Variants in KCNH5 observed in about 807,000 individuals in gnomAD.
KCNH5 encodes voltage-gated delayed rectifier potassium channel KCNH5.
Under a neutral mutation model 96.1 loss-of-function variants are expected in KCNH5, and 46 were observed. That is an observed-to-expected ratio of 0.48 (90% CI 0.38 to 0.61). The LOEUF (loss-of-function observed/expected upper bound fraction) is 0.61. KCNH5 is among the 20% of genes least tolerant of loss of function. The pLI, the probability that KCNH5 is intolerant of heterozygous loss-of-function variation, is 0.00. For synonymous variants in KCNH5, 439 were observed against 449.8 expected, an observed-to-expected ratio of 0.98 and a Z score of 0.30; for missense variants, 907 against 1,225.8, an observed-to-expected ratio of 0.74 and a Z score of 3.88.
intron 10 of KCNH5, among the ~76,000 whole-genome samples, chr14:62,757,336 G>C (rs1356819930): frequency 6.6e-6 from 1 of 152,196 alleles, no homozygotes; most frequent in Non-Finnish European, 1.5e-5. Flanking sequence ...CTTGTATACT[G>C]TTGGTCGGAA....
At chr14:62,939,968 C>T (rs1050764459) in intron 7 of KCNH5, among the ~76,000 whole-genome samples, 7 of 152,054 alleles carry the variant, frequency 4.6e-5, no homozygotes, top group Admixed American at 1.3e-4. Context: ...AGGAAGCTTA[C>T]GTACAATCTA....
chr14:62,956,710 C>G (rs1890111303), intron 6 of KCNH5, among the ~76,000 whole-genome samples: 1 of 151,942 alleles, frequency 6.6e-6, no homozygotes, highest in Non-Finnish European at 1.5e-5. Context: ...CTCTCATAAC[C>G]TTTAGATTGG....
At chr14:62,916,551 T>C (rs765971172) in intron 7 of KCNH5, among the ~76,000 whole-genome samples, 2 of 152,192 alleles carry the variant, frequency 1.3e-5, no homozygotes, top group Non-Finnish European at 2.9e-5. Flanking sequence ...AGTAAAACAA[T>C]TAAGTTTGTT....
At chr14:62,978,102 T>C (rs954147988) in intron 6 of KCNH5, among the ~76,000 whole-genome samples, 2 of 152,198 alleles carry the variant, frequency 1.3e-5, no homozygotes, top group Admixed American at 6.5e-5. Context: ...TTCAGTTAAC[T>C]GTGTTCAGTG....
chr14:62,742,467 G>A (rs545696188), intron 10 of KCNH5, among the ~76,000 whole-genome samples: 5 of 32,296 alleles, frequency 1.5e-4, no homozygotes, highest in South Asian at 1.7e-3. Context: ...CAATCCTGGC[G>A]CACATTAGAA....
At chr14:62,748,541 G>A (rs528773454) in intron 10 of KCNH5, among the ~76,000 whole-genome samples, 10 of 152,120 alleles carry the variant, frequency 6.6e-5, no homozygotes, top group Admixed American at 1.3e-4. Flanking sequence ...GCTCTGGTTC[G>A]AATGCCCCTG....
At chr14:62,879,130 T>A (rs1441793289) in intron 7 of KCNH5, among the ~76,000 whole-genome samples, 1 of 152,102 alleles carries the variant, frequency 6.6e-6, no homozygotes, top group East Asian at 1.9e-4. Context: ...TCATTAGTAA[T>A]CAGTTTAATA....
chr14:62,974,958 C>A (rs1285245977), intron 6 of KCNH5, among the ~76,000 whole-genome samples: 1 of 152,122 alleles, frequency 6.6e-6, no homozygotes, highest in African/African-American at 2.4e-5. Context: ...TAATAATACC[C>A]CACCAGATTT....
At chr14:62,786,210 T>G (rs1249936711) in intron 9 of KCNH5, among the ~76,000 whole-genome samples, 1 of 151,886 alleles carries the variant, frequency 6.6e-6, no homozygotes, top group East Asian at 1.9e-4. Flanking sequence ...AATAAATAAA[T>G]AAATAAAAAT....
chr14:62,859,654 G>A (rs568364597), intron 7 of KCNH5, among the ~76,000 whole-genome samples: 33 of 152,256 alleles, frequency 2.2e-4, no homozygotes, highest in Middle Eastern at 3.4e-3. Context: ...GTACATAATC[G>A]CGCATCTGGC....
At chr14:62,740,894 G>C (rs1484194804) in intron 10 of KCNH5, among the ~76,000 whole-genome samples, 2 of 152,116 alleles carry the variant, frequency 1.3e-5, no homozygotes, top group Non-Finnish European at 2.9e-5. Flanking sequence ...GAACTCATTG[G>C]AAGCTTCTAA....
intron 8 of KCNH5, among the ~76,000 whole-genome samples, chr14:62,832,114 T>C (rs1316975705): frequency 6.6e-6 from 1 of 152,184 alleles, no homozygotes; most frequent in African/African-American, 2.4e-5. Flanking sequence ...ATAAAAATCG[T>C]CTATATATTA....
At chr14:62,787,065 A>G (rs1886334927) in intron 9 of KCNH5, among the ~76,000 whole-genome samples, 1 of 152,198 alleles carries the variant, frequency 6.6e-6, no homozygotes, top group Non-Finnish European at 1.5e-5. Context: ...CAAAAGGTAG[A>G]CATAATTAAG....
intron 7 of KCNH5, among the ~76,000 whole-genome samples, chr14:62,860,956 T>C (rs1888021496): frequency 6.6e-6 from 1 of 151,900 alleles, no homozygotes; most frequent in African/African-American, 2.4e-5. Flanking sequence ...GTGAGGGAGG[T>C]TCTACAAGAA....
chr14:62,951,785 A>AC (rs1353652286), intron 6 of KCNH5, among the ~76,000 whole-genome samples: 1 of 151,878 alleles, frequency 6.6e-6, no homozygotes, highest in Non-Finnish European at 1.5e-5. Context: ...ACATGGCAAA[A>AC]CCCTGTCTCT....
chr14:62,998,730 C>G (rs765622397), intron 4 of KCNH5, among the ~76,000 whole-genome samples: 12 of 152,126 alleles, frequency 7.9e-5, no homozygotes, highest in Non-Finnish European at 1.0e-4. Flanking sequence ...AAACATGTTT[C>G]ATTTCCAAAT....
intron 7 of KCNH5, among the ~76,000 whole-genome samples, chr14:62,908,730 G>A (rs997161816): frequency 9.1e-5 from 13 of 143,068 alleles, no homozygotes; most frequent in Non-Finnish European, 2.0e-4. Flanking sequence ...TGTGCCCAGT[G>A]TCCTCCAGAC....
intron 10 of KCNH5, among the ~76,000 whole-genome samples, chr14:62,726,264 C>T (rs768880832): frequency 6.6e-6 from 1 of 151,880 alleles, no homozygotes; most frequent in Non-Finnish European, 1.5e-5. Context: ...AAACATCACA[C>T]AAAAGTGGTA....
intron 4 of KCNH5, among the ~76,000 whole-genome samples, chr14:62,994,625 A>G (rs59087976): frequency 0.18 from 27,040 of 151,960 alleles, 3,720 homozygotes; most frequent in African/African-American, 0.39. Context: ...AATTCTCTCC[A>G]AATGAAAGTA....
Sources: gnomAD v4.1 joint callset for allele counts (sites outside exome capture counted in the v4.1 genomes callset) on GRCh38, gnomAD v4.1.1 for gene constraint, MANE v1.5 for transcripts, NCBI Gene and HGNC (gene_info 2026-07-23, HGNC 2026-07-21) for gene names.